SEM1: variants seen among roughly 807,000 people sequenced by gnomAD.
SEM1 encodes 26S proteasome complex subunit SEM1.
A neutral mutation model predicts 12.7 loss-of-function variants in SEM1; 3 were observed. That is an observed-to-expected ratio of 0.24 (90% CI 0.11 to 0.61). SEM1 has a LOEUF of 0.61. Among genes scored for constraint, SEM1 ranks in the 20% least tolerant of loss-of-function variants. The pLI is 0.88. For synonymous variants in SEM1, 30 were observed against 27.8 expected (o/e 1.08, Z -0.25); for missense variants, 59 against 81.3 (o/e 0.73, Z 1.06).
intron 2 of SEM1, chr7:96,486,183 T>A: frequency 2.0e-6 from 3 of 1,503,712 alleles, no homozygotes; most frequent in Non-Finnish European, 2.7e-6. Context: ...TTTTTCCTCC[T>A]GTGGCTGTCA....
chr7:96,623,205 C>G (rs1420671605), intron 2 of SEM1: 2 of 152,040 alleles, frequency 1.3e-5, no homozygotes, highest in African/African-American at 4.8e-5. Flanking sequence ...GGATTTATAC[C>G]ATCAACTTCT....
intron 2 of SEM1, among the ~76,000 whole-genome samples, chr7:96,662,454 G>A (rs1035474294): frequency 6.6e-6 from 1 of 152,152 alleles, no homozygotes. Flanking sequence ...TCACTCATAA[G>A]TGGGAGTTGA....
chr7:96,565,749 T>C (rs1805826406), intron 2 of SEM1, among the ~76,000 whole-genome samples: 1 of 151,858 alleles, frequency 6.6e-6, no homozygotes. Context: ...CTGTCAGAGA[T>C]GCTTGTTAAA....
At chr7:96,554,390 G>C (rs1366321444) in intron 2 of SEM1, among the ~76,000 whole-genome samples, 2 of 133,856 alleles carry the variant, frequency 1.5e-5, no homozygotes, top group East Asian at 4.3e-4. Flanking sequence ...AATTTATTGA[G>C]AGTTTTTAGC....
At chr7:96,611,820 A>C (rs927358676) in intron 2 of SEM1, among the ~76,000 whole-genome samples, 1 of 152,192 alleles carries the variant, frequency 6.6e-6, no homozygotes, top group African/African-American at 2.4e-5. Context: ...TAGCTGGCCC[A>C]ACTGTATTTT....
intron 2 of SEM1, among the ~76,000 whole-genome samples, chr7:96,655,591 A>ATACT (rs1283266510): frequency 6.6e-6 from 1 of 152,010 alleles, no homozygotes; most frequent in Non-Finnish European, 1.5e-5. Context: ...TCAATTGCAA[A>ATACT]TACTTAAATT....
chr7:96,670,532 G>A (rs898966272), downstream of SEM1, among the ~76,000 whole-genome samples: 2 of 152,118 alleles, frequency 1.3e-5, no homozygotes, highest in African/African-American at 4.8e-5. Context: ...GAGATGGAGG[G>A]TGGTGTAATC....
intron 2 of SEM1, among the ~76,000 whole-genome samples, chr7:96,549,230 C>T (rs747124434): frequency 1.3e-5 from 2 of 152,076 alleles, no homozygotes; most frequent in African/African-American, 2.4e-5. Context: ...TGGGACTGTC[C>T]GAATTTTAGG....
intron 2 of SEM1, among the ~76,000 whole-genome samples, chr7:96,625,288 G>A (rs1808026756): frequency 6.6e-6 from 1 of 152,150 alleles, no homozygotes; most frequent in Non-Finnish European, 1.5e-5. Context: ...GTGCATGAAG[G>A]CTTTCACTTG....
chr7:96,678,700 G>T (rs1335925731), intron 2 of SEM1, among the ~76,000 whole-genome samples: 3 of 152,018 alleles, frequency 2.0e-5, no homozygotes, highest in Admixed American at 1.3e-4. Context: ...TTTAATTCCT[G>T]ATTGACTATT....
intron 2 of SEM1, chr7:96,645,837 G>A (rs372552091): frequency 2.7e-4 from 107 of 398,298 alleles, no homozygotes; most frequent in Middle Eastern, 1.9e-3. Context: ...TGTAGTTCTC[G>A]TGTGAGTTAA....
At chr7:96,622,829 T>G (rs755928843) in intron 2 of SEM1, 27 of 552,232 alleles carry the variant, frequency 4.9e-5, no homozygotes, top group Admixed American at 1.8e-4. Context: ...CAGGGAAAAC[T>G]TACATAAATA....
intron 2 of SEM1, among the ~76,000 whole-genome samples, chr7:96,517,982 A>C (rs1178035746): frequency 1.3e-5 from 2 of 152,196 alleles, no homozygotes; most frequent in African/African-American, 4.8e-5. Flanking sequence ...CGTTTACTGT[A>C]CTTAAGAGAC....
At chr7:96,523,057 T>C (rs2115653296) in intron 2 of SEM1, among the ~76,000 whole-genome samples, 1 of 152,282 alleles carries the variant, frequency 6.6e-6, no homozygotes, top group Non-Finnish European at 1.5e-5. Context: ...TTGTGTTATT[T>C]GCCTAAGGAT....
At chr7:96,484,155 G>C (rs1277060910) in intron 3 of SEM1, among the ~76,000 whole-genome samples, 1 of 152,142 alleles carries the variant, frequency 6.6e-6, no homozygotes, top group Non-Finnish European at 1.5e-5. Flanking sequence ...CCCAAAAAAA[G>C]ATAGCTAGTA....
chr7:96,553,698 GA>G (rs1230965371), intron 2 of SEM1, among the ~76,000 whole-genome samples: 3 of 151,924 alleles, frequency 2.0e-5, no homozygotes, highest in Non-Finnish European at 4.4e-5. Context: ...GGTTCCATAT[GA>G]ACTTTAAAGT....
At chr7:96,696,812 T>C (rs1157378558) in intron 1 of SEM1, 2 of 151,988 alleles carry the variant, frequency 1.3e-5, no homozygotes, top group Non-Finnish European at 2.9e-5. Flanking sequence ...ACTCAATGTA[T>C]AACATGAAAA....
chr7:96,608,557 T>A (rs551174661), intron 2 of SEM1, among the ~76,000 whole-genome samples: 1 of 152,336 alleles, frequency 6.6e-6, no homozygotes, highest in African/African-American at 2.4e-5. Context: ...AAAGAAGCCT[T>A]GTACCCACTT....
At chr7:96,555,959 T>C (rs1203133493) in intron 2 of SEM1, among the ~76,000 whole-genome samples, 1 of 143,626 alleles carries the variant, frequency 7.0e-6, no homozygotes, top group African/African-American at 2.5e-5. Flanking sequence ...CTTCTTTGTC[T>C]TTTTTGATCT....
Sources: allele counts gnomAD v4.1 joint callset (sites outside exome capture counted in the v4.1 genomes callset), GRCh38; gene constraint gnomAD v4.1.1; transcripts MANE v1.5; gene names NCBI Gene and HGNC (gene_info 2026-07-23, HGNC 2026-07-21).